PRKAG2: variants seen among roughly 807,000 people sequenced by gnomAD.
PRKAG2 encodes 5'-AMP-activated protein kinase subunit gamma-2.
Under a neutral mutation model 69.6 loss-of-function variants are expected in PRKAG2, and 26 were observed. The observed-to-expected ratio is 0.37, with a 90% CI of 0.27 to 0.52. PRKAG2 has a LOEUF of 0.52. Among genes scored for constraint, PRKAG2 ranks in the 20% least tolerant of loss-of-function variants. The pLI, the probability that PRKAG2 is intolerant of heterozygous loss-of-function variation, is 0.90. For synonymous variants in PRKAG2, 293 were observed against 285.0 expected (o/e 1.03, Z -0.28); for missense variants, 557 against 740.0 (o/e 0.75, Z 2.87).
intron 3 of PRKAG2, among the ~76,000 whole-genome samples, chr7:151,734,877 CAG>C (rs1256485780): frequency 9.8e-6 from 1 of 102,158 alleles, no homozygotes; most frequent in African/African-American, 4.6e-5. Context: ...TTTTTTGAGG[CAG>C]AGTCTTGCTC....
In PRKAG2 at chr7:151,625,031, T is replaced by C. The variant is rs1403377382; in HGVS notation, c.754+7038A>G. ...CACTCATCCCAGTGGCCTCAAGACC[T>C]GGCAAATATTAAGATTTCAGTCTCC... On this transcript the variant is annotated intron_variant, in intron 5 of 15. Transcript: ENST00000287878. Among the ~76,000 whole-genome samples the C allele has an allele frequency of 2.0e-5, 3 of 152,306 alleles. No individual in the cohort carries two copies. In the East Asian group the frequency reaches 5.8e-4, roughly 29 times the overall value.
chr7:151,557,644 C>T (rs1481820689), intron 15 of PRKAG2: 14 of 762,444 alleles, frequency 1.8e-5, no homozygotes, highest in South Asian at 6.0e-5. Context: ...CCGAGGCGGG[C>T]GGATCACCTG....
At chr7:151,716,080 A>G (rs1165759568) in intron 3 of PRKAG2, among the ~76,000 whole-genome samples, 1 of 152,192 alleles carries the variant, frequency 6.6e-6, no homozygotes, top group African/African-American at 2.4e-5. Context: ...AGCAGAGGAC[A>G]CACAGGGCTT....
chr7:151,849,469 T>C (rs1471470116), intron 1 of PRKAG2, among the ~76,000 whole-genome samples: 1 of 152,180 alleles, frequency 6.6e-6, no homozygotes, highest in Non-Finnish European at 1.5e-5. Context: ...GGATGGAGGG[T>C]GACAAGAAAC....
At chr7:151,840,551 T>G (rs948535266) in intron 1 of PRKAG2, among the ~76,000 whole-genome samples, 2 of 152,130 alleles carry the variant, frequency 1.3e-5, no homozygotes, top group African/African-American at 2.4e-5. Context: ...CCTGCAGTCC[T>G]GAGACTACAG....
intron 3 of PRKAG2, among the ~76,000 whole-genome samples, chr7:151,729,629 G>A (rs954512669): frequency 5.9e-5 from 9 of 152,108 alleles, no homozygotes; most frequent in Non-Finnish European, 1.3e-4. Context: ...CGGTCCACAA[G>A]AGGGGCATAC....
chr7:151,595,692 G>C (rs1462702931), intron 5 of PRKAG2, among the ~76,000 whole-genome samples: 1 of 152,118 alleles, frequency 6.6e-6, no homozygotes, highest in Non-Finnish European at 1.5e-5. Flanking sequence ...TGTTGAAAAG[G>C]AAAAAGCAAA....
chr7:151,726,084 C>T (rs748520503), intron 3 of PRKAG2, among the ~76,000 whole-genome samples: 11 of 152,216 alleles, frequency 7.2e-5, no homozygotes, highest in Non-Finnish European at 1.6e-4. Context: ...GCTCCCTCTC[C>T]ACAGGGGTCC....
At chr7:151,564,312 C>T (rs772688652) in intron 13 of PRKAG2, 88 bp from the exon 14 acceptor site, 111 of 1,454,944 alleles carry the variant, frequency 7.6e-5, no homozygotes, top group Non-Finnish European at 1.0e-4. Context: ...AGCCTGATTT[C>T]TAAAAACTTT....
intron 3 of PRKAG2, chr7:151,734,155 C>G (rs1162919178): frequency 6.6e-6 from 1 of 152,346 alleles, no homozygotes; most frequent in Middle Eastern, 3.4e-3. Context: ...CTGCTCTCCC[C>G]CGAGGACTCA....
chr7:151,821,928 C>T (rs1197139871), intron 1 of PRKAG2, among the ~76,000 whole-genome samples: 5 of 152,146 alleles, frequency 3.3e-5, no homozygotes, highest in African/African-American at 4.8e-5. Context: ...CATACACACA[C>T]GCGCACATAT....
At chr7:151,796,149 G>A (rs531422484) in intron 1 of PRKAG2, among the ~76,000 whole-genome samples, 1 of 152,096 alleles carries the variant, frequency 6.6e-6, no homozygotes, top group African/African-American at 2.4e-5. Flanking sequence ...ACCCGAGCTG[G>A]TGGGGACAGA....
chr7:151,564,173 C>A lies in PRKAG2; in HGVS notation c.1489G>T (p.Ala497Ser), dbSNP rs570023767. The A allele has an allele frequency of 6.2e-7, 1 of 1,614,154 alleles. No homozygotes were observed. The highest frequency in any genetic ancestry group is 1.1e-5 in the South Asian group (1 of 91,084). The change falls in exon 14 of 16, where the codon GCC becomes TCC. Residue 497 changes from alanine (A) to serine (S), a missense_variant. Ala to Ser is a moderately conservative substitution (Grantham distance 99). This residue lies in a region of PRKAG2 where 205 missense variants were observed against 383.4 expected (regional missense o/e 0.53). Transcript: ENST00000287878. The part of the protein sequence containing the change: ...YNNLDITVTQ[A>S]LQHRSQYFEG... ...AAATACTGTGAACGGTGCTGAAGGG[C>A]CTGGGTCACCGTGATATCTAGGTTA... is the stretch of plus-strand genomic sequence containing the variant.
chr7:151,620,626 C>T (rs1044647727), intron 5 of PRKAG2, among the ~76,000 whole-genome samples: 4 of 151,962 alleles, frequency 2.6e-5, no homozygotes, highest in Admixed American at 6.6e-5. Context: ...TACAGGCATC[C>T]GCTACCATAC....
rs569342685 is a variant in PRKAG2 at position 151,699,091 on chromosome 7, A to G, written c.467-23454T>C. Among the ~76,000 whole-genome samples the G allele has an allele frequency of 6.9e-4, 105 of 152,334 alleles. No homozygotes were observed. Among genetic ancestry groups the G allele is most frequent in the African/African-American group, 2.3e-3 (97 of 41,570 alleles). ...CTGCAAGTCTGCAGAGCCAGTCTGC[A>G]AACTCTGGGGAGCACCCCTCAATGC... is the stretch of plus-strand genomic sequence containing the variant. On this transcript the variant is annotated intron_variant, in intron 3 of 15. Transcript: ENST00000287878. The surrounding 1 kb of genome is among the most constrained non-coding windows in gnomAD (Gnocchi z 4.5).
At chr7:151,606,819 C>CA (rs1585186768) in intron 5 of PRKAG2, among the ~76,000 whole-genome samples, 2 of 152,060 alleles carry the variant, frequency 1.3e-5, no homozygotes, top group African/African-American at 4.8e-5. Context: ...GACTCCGTCT[C>CA]AAAAAAATAA....
chr7:151,624,917 T>A (rs1025851675), intron 5 of PRKAG2, among the ~76,000 whole-genome samples: 16 of 152,204 alleles, frequency 1.1e-4, no homozygotes, highest in African/African-American at 3.9e-4. Context: ...CCACCTGAAG[T>A]ATGGCAAGCC....
intron 5 of PRKAG2, among the ~76,000 whole-genome samples, chr7:151,631,297 T>G (rs1051491492): frequency 3.9e-5 from 6 of 152,258 alleles, no homozygotes; most frequent in African/African-American, 1.2e-4. Flanking sequence ...TCACATTTCA[T>G]TTTACATATT....
At chr7:151,572,491 T>C (rs920869944) in intron 9 of PRKAG2, 173 bp downstream of exon 9, 7 of 551,926 alleles carry the variant, frequency 1.3e-5, no homozygotes, top group African/African-American at 1.9e-5. Flanking sequence ...AATACTTATA[T>C]TGTTCAGCTT....
Sources: allele counts gnomAD v4.1 joint callset (sites outside exome capture counted in the v4.1 genomes callset), GRCh38; gene constraint gnomAD v4.1.1; regional missense constraint gnomAD v4.1.1; non-coding constraint Gnocchi (gnomAD v3.1); transcripts MANE v1.5; gene names NCBI Gene and HGNC (gene_info 2026-07-23, HGNC 2026-07-21).